The following KAZN variants were observed in gnomAD, a reference collection of about 807,000 sequenced individuals.
The protein encoded by KAZN is kazrin.
Under a neutral mutation model 87.4 loss-of-function variants are expected in KAZN, and 40 were observed. The ratio of observed to expected loss-of-function variants is 0.46; its 90% CI spans 0.36 to 0.60. KAZN has a LOEUF of 0.60. Among genes scored for constraint, KAZN ranks in the 20% least tolerant of loss-of-function variants. The probability of loss-of-function intolerance (pLI) is 0.00; values close to 1 mark genes in which losing one functional copy is unlikely to be tolerated. For missense variants in KAZN, 898 were observed against 1,073.9 expected (o/e 0.84, Z 2.29); for synonymous variants, 466 against 458.3 (o/e 1.02, Z -0.22).
At position 14,996,971 on chromosome 1, in the gene KAZN, C is replaced by T. The variant is rs376034214; in HGVS notation, c.418+36096C>T. ...CTGAGGCTGTGTGTTCCCCCAGGCA[C>T]CCTGTGCTTTGCTGATCCCTGGGCC... is the stretch of plus-strand genomic sequence containing the variant. On this transcript the variant is annotated intron_variant, in intron 2 of 14. Coordinates refer to ENST00000376030, the MANE Select transcript of KAZN (RefSeq NM_201628.3). The surrounding 1 kb of genome is among the most constrained non-coding windows in gnomAD (Gnocchi z 5.9). Among the ~76,000 whole-genome samples, 1 of 152,158 alleles carries T rather than the reference C, an allele frequency of 6.6e-6. No homozygotes were observed. Among genetic ancestry groups the T allele is most frequent in the Non-Finnish European group, 1.5e-5 (1 of 68,028 alleles).
At chr1:14,695,285 C>G (rs1381071196) in intron 1 of KAZN, among the ~76,000 whole-genome samples, 1 of 152,072 alleles carries the variant, frequency 6.6e-6, no homozygotes, top group Non-Finnish European at 1.5e-5. Context: ...CTCCAGCTGG[C>G]CTTATAGATC....
intron 2 of KAZN, among the ~76,000 whole-genome samples, chr1:14,310,789 C>CG (rs756433287): frequency 3.9e-5 from 6 of 152,326 alleles, no homozygotes; most frequent in African/African-American, 7.2e-5. Context: ...TTATGAAAGG[C>CG]CTGGCAGCCC....
chr1:15,111,307 G>A (rs1263588114), intron 13 of KAZN, among the ~76,000 whole-genome samples: 5 of 148,812 alleles, frequency 3.4e-5, no homozygotes, highest in African/African-American at 1.2e-4. Context: ...TTTAAACAGA[G>A]TCTTGTGCTG....
At chr1:14,087,737 A>G (rs1643887619) in intron 1 of KAZN, among the ~76,000 whole-genome samples, 1 of 151,992 alleles carries the variant, frequency 6.6e-6, no homozygotes, top group South Asian at 2.1e-4. Context: ...TTAGTATGTT[A>G]ATGTGGTGAA....
At chr1:14,668,645 C>T (rs1052183697) in intron 1 of KAZN, among the ~76,000 whole-genome samples, 5 of 152,144 alleles carry the variant, frequency 3.3e-5, no homozygotes, top group Admixed American at 6.6e-5. Context: ...GGTGTTGCCT[C>T]CTCCCCTCCC....
chr1:13,997,961 T>G (rs1280470473), intron 1 of KAZN, among the ~76,000 whole-genome samples: 1 of 152,034 alleles, frequency 6.6e-6, no homozygotes, highest in Non-Finnish European at 1.5e-5. Flanking sequence ...TGAAAAATGT[T>G]AAGGGCAGCC....
At chr1:14,223,761 TTAAG>T (rs1035716398) in intron 2 of KAZN, among the ~76,000 whole-genome samples, 2 of 152,178 alleles carry the variant, frequency 1.3e-5, no homozygotes, top group African/African-American at 4.8e-5. Context: ...ACTGGATTAA[TTAAG>T]AGTATTTGCA....
At chr1:14,362,916 G>A (rs1432699565) in intron 2 of KAZN, among the ~76,000 whole-genome samples, 1 of 152,096 alleles carries the variant, frequency 6.6e-6, no homozygotes, top group East Asian at 1.9e-4. Flanking sequence ...ACTGAGGCAG[G>A]AAGGGGGCTC....
At chr1:15,057,255 C>G (rs778559577) in intron 5 of KAZN, among the ~76,000 whole-genome samples, 3 of 152,240 alleles carry the variant, frequency 2.0e-5, no homozygotes, top group Non-Finnish European at 2.9e-5. Flanking sequence ...GACCCATGAC[C>G]TAGGCCAGGG....
rs1274924616 is a variant in KAZN, at chr1:14,952,056, A to G, written c.227-8628A>G. Among the ~76,000 whole-genome samples, 3 of 152,150 alleles carry G rather than the reference A, an allele frequency of 2.0e-5. 1 individual carries two copies. ...GACCACCGCAACCCTACATGGGGTC[A>G]TGAGATGAGGGCTGTCATCCAGCAC... On this transcript the variant is annotated intron_variant, in intron 1 of 14. Coordinates refer to ENST00000376030, the MANE Select transcript of KAZN (RefSeq NM_201628.3).
chr1:14,553,276 C>T (rs930599102), intron 2 of KAZN, among the ~76,000 whole-genome samples: 5 of 152,112 alleles, frequency 3.3e-5, no homozygotes, highest in South Asian at 2.1e-4. Flanking sequence ...ACTCTGGAGA[C>T]GCTTGAACTG....
chr1:14,391,620 C>A (rs949263548), intron 2 of KAZN: 1 of 152,196 alleles, frequency 6.6e-6, no homozygotes, highest in African/African-American at 2.4e-5. Flanking sequence ...AGGAAACATT[C>A]CCAGAAATCC....
intron 2 of KAZN, among the ~76,000 whole-genome samples, chr1:14,315,537 C>T (rs1655595308): frequency 6.6e-6 from 1 of 151,924 alleles, no homozygotes; most frequent in African/African-American, 2.4e-5. Flanking sequence ...TTCCTCATGC[C>T]CTTCCTTTGT....
At chr1:14,814,010 A>T (rs1646492298) in intron 1 of KAZN, among the ~76,000 whole-genome samples, 1 of 152,194 alleles carries the variant, frequency 6.6e-6, no homozygotes, top group African/African-American at 2.4e-5. Context: ...GGGTATCACC[A>T]TAACTTAGAG....
intron 2 of KAZN, among the ~76,000 whole-genome samples, chr1:14,199,656 T>C (rs1570997435): frequency 1.3e-5 from 2 of 152,238 alleles, no homozygotes; most frequent in South Asian, 2.1e-4. Context: ...AAATTGACAA[T>C]AGTTGCAGCA....
chr1:14,514,620 T>TCTC, intron 2 of KAZN, among the ~76,000 whole-genome samples: 1 of 44,176 alleles, frequency 2.3e-5, no homozygotes, highest in Non-Finnish European at 5.4e-5. Context: ...TATATATATA[T>TCTC]ATATATATAT....
chr1:14,437,353 G>A (rs997152341), intron 2 of KAZN, among the ~76,000 whole-genome samples: 3 of 152,142 alleles, frequency 2.0e-5, no homozygotes, highest in Admixed American at 6.5e-5. Context: ...TCGATGAAAC[G>A]CGCATGTTGA....
intron 2 of KAZN, among the ~76,000 whole-genome samples, chr1:14,504,377 T>A (rs538153233): frequency 5.3e-5 from 8 of 152,276 alleles, no homozygotes; most frequent in African/African-American, 1.9e-4. Flanking sequence ...GATACGGGAA[T>A]TCATGGAAAC....
At chr1:14,677,075 T>C (rs1056039774) in intron 1 of KAZN, among the ~76,000 whole-genome samples, 9 of 152,158 alleles carry the variant, frequency 5.9e-5, no homozygotes, top group Admixed American at 2.6e-4. Flanking sequence ...TAGCATTTAT[T>C]TAGTGCCAAC....
Sources: allele counts gnomAD v4.1 joint callset (sites outside exome capture counted in the v4.1 genomes callset), GRCh38; gene constraint gnomAD v4.1.1; non-coding constraint Gnocchi (gnomAD v3.1); transcripts MANE v1.5; gene names NCBI Gene and HGNC (gene_info 2026-07-23, HGNC 2026-07-21).